Variants in MAGI3 observed in about 807,000 individuals in gnomAD.
MAGI3 encodes membrane associated guanylate kinase, WW and PDZ domain containing 3, also known as membrane-associated guanylate kinase, WW and PDZ domain-containing protein 3.
MAGI3 carries 43 observed loss-of-function variants against 121.8 expected under a neutral mutation model. The observed-to-expected ratio is 0.35, with a 90% CI of 0.28 to 0.46. MAGI3 has a LOEUF of 0.46. MAGI3 is among the 20% of genes least tolerant of loss of function. MAGI3 has a pLI of 1.00. For missense variants in MAGI3, 1,547 were observed against 1,797.3 expected (o/e 0.86, Z 2.52); for synonymous variants, 553 against 639.3 (o/e 0.86, Z 2.04).
intron 1 of MAGI3, among the ~76,000 whole-genome samples, chr1:113,489,647 T>C (rs1557784735): frequency 1.3e-5 from 2 of 151,826 alleles, no homozygotes; most frequent in Non-Finnish European, 1.5e-5. Context: ...AAAATCAGGA[T>C]AAAACAATGC....
chr1:113,458,857 T>G (rs1453321614), intron 1 of MAGI3, among the ~76,000 whole-genome samples: 2 of 152,200 alleles, frequency 1.3e-5, no homozygotes, highest in Admixed American at 1.3e-4. Flanking sequence ...CTGTTCATTT[T>G]CTAAGTTATT....
At chr1:113,593,949 CTTTGT>C (rs1325201754) in intron 5 of MAGI3, among the ~76,000 whole-genome samples, 1 of 152,114 alleles carries the variant, frequency 6.6e-6, no homozygotes, top group Non-Finnish European at 1.5e-5. Context: ...CTTTAAAACT[CTTTGT>C]TTTATTTTAT....
At chr1:113,399,945 A>G (rs1651314447) in intron 1 of MAGI3, among the ~76,000 whole-genome samples, 1 of 152,172 alleles carries the variant, frequency 6.6e-6, no homozygotes, top group Non-Finnish European at 1.5e-5. Context: ...TCATTATTGT[A>G]GTATTTCTGA....
At chr1:113,671,951 C>T in intron 17 of MAGI3, 115 bp downstream of exon 17, 2 of 914,958 alleles carry the variant, frequency 2.2e-6, no homozygotes, top group Non-Finnish European at 3.4e-6. Context: ...CAGATGCCAG[C>T]TGTTGAGGTC....
chr1:113,462,533 A>G (rs558224649), intron 1 of MAGI3, among the ~76,000 whole-genome samples: 8 of 152,230 alleles, frequency 5.3e-5, no homozygotes, highest in South Asian at 2.1e-4. Flanking sequence ...GAAGAAAACA[A>G]CAGACACTGG....
chr1:113,649,274 A>T lies in MAGI3; in HGVS notation c.2193A>T (p.Lys731Asn). ...AAGATTTGGATGTTTTTCTTCGAAA[A>T]CAAGAGTCAGGGTTTGGCTTCAGGG... Reference protein sequence around the residue: ...NTKDLDVFLRKQESGFGFRVL... With the variant: ...NTKDLDVFLRNQESGFGFRVL... Residue 731 changes from lysine (K) to asparagine (N), a missense_variant, in exon 13 of 21, where the codon AAA (lysine) becomes AAT (asparagine). By Grantham distance (94) the Lys-to-Asn change is moderately conservative. Transcript: ENST00000307546. 6.2e-7 allele frequency: 1 copy of T among 1,613,590 alleles called. No homozygotes were observed. Among genetic ancestry groups the T allele is most frequent in the Non-Finnish European group, 8.5e-7 (1 of 1,179,780 alleles).
chr1:113,658,673 C>T lies in MAGI3; in HGVS notation c.2630-407C>T, dbSNP rs535721567. On this transcript the variant is annotated intron_variant, in intron 15 of 20. Coordinates refer to ENST00000307546, the MANE Select transcript of MAGI3 (RefSeq NM_001142782.2). This position sits in a 1 kb window ranked among gnomAD's most constrained non-coding sequence, Gnocchi z 4.0. Reference sequence around the variant, plus strand: ...TTAACAGAAGCAAAGATAATCTTATCGTAGCAGTTTTTAAAATAGCTAAAA... The same window carrying T: ...TTAACAGAAGCAAAGATAATCTTATTGTAGCAGTTTTTAAAATAGCTAAAA... 2.0e-5 allele frequency among the ~76,000 whole-genome samples: 3 copies of T among 152,266 alleles called. No homozygotes were observed. Among genetic ancestry groups the T allele is most frequent in the South Asian group, 2.1e-4 (1 of 4,828 alleles).
chr1:113,643,740 A>G lies in MAGI3; in HGVS notation c.1967-3A>G. On this transcript the variant is annotated splice_region_variant and splice_polypyrimidine_tract_variant and intron_variant, in intron 10 of 20. Coordinates refer to ENST00000307546, the MANE Select transcript of MAGI3 (RefSeq NM_001142782.2). ...TTAAACTTTGGTTCATTTTTTTTTT[A>G]AGGTCCTCCTTCACCAACCAAAACT... 6.2e-7 allele frequency: 1 copy of G among 1,612,042 alleles called. No individual in the cohort carries two copies. Among genetic ancestry groups the G allele is most frequent in the Middle Eastern group, 1.7e-4 (1 of 6,052 alleles).
intron 9 of MAGI3, among the ~76,000 whole-genome samples, chr1:113,623,443 T>TACAC (rs1187612165): frequency 1.6e-4 from 10 of 62,984 alleles, no homozygotes; most frequent in South Asian, 6.7e-4. Flanking sequence ...CACATATATA[T>TACAC]ACACACACAT....
In MAGI3 at chr1:113,671,813, G is replaced by A; in HGVS notation, c.2895G>A (p.Gln965=). 6.2e-7 allele frequency: 1 copy of A among 1,614,202 alleles called. No homozygotes were observed. Among genetic ancestry groups the A allele is most frequent in the Non-Finnish European group, 8.5e-7 (1 of 1,180,032 alleles). Residue 965 remains glutamine, a synonymous_variant, in exon 17 of 21, where the codon CAG becomes CAA. Transcript: ENST00000307546. ...AGCACAGGCCCATGGGACAGTCACA[G>A]GCCAACCACATACCTGGGGACAGGT... ...ALQHRPMGQS[Q]ANHIPGDRSA...
At chr1:113,454,115 C>G (rs1014433151) in intron 1 of MAGI3, among the ~76,000 whole-genome samples, 1 of 152,246 alleles carries the variant, frequency 6.6e-6, no homozygotes, top group Non-Finnish European at 1.5e-5. Flanking sequence ...TGAGTAAGAA[C>G]AGGAATTATG....
chr1:113,447,176 A>C (rs1445791580), intron 1 of MAGI3, among the ~76,000 whole-genome samples: 1 of 152,206 alleles, frequency 6.6e-6, no homozygotes, highest in Non-Finnish European at 1.5e-5. Flanking sequence ...TACAACTATG[A>C]CAGTCTATTT....
At chr1:113,412,286 G>A (rs1652042781) in intron 1 of MAGI3, among the ~76,000 whole-genome samples, 1 of 152,028 alleles carries the variant, frequency 6.6e-6, no homozygotes, top group African/African-American at 2.4e-5. Flanking sequence ...TGGACATTTG[G>A]GTTGGTTCCC....
intron 1 of MAGI3, among the ~76,000 whole-genome samples, chr1:113,512,396 A>G (rs1443685985): frequency 6.6e-6 from 1 of 152,212 alleles, no homozygotes; most frequent in Admixed American, 6.5e-5. Flanking sequence ...GGAGTGTTCT[A>G]TTTGAAAATT....
At chr1:113,621,156 C>CA (rs1650795581) in intron 8 of MAGI3, among the ~76,000 whole-genome samples, 1 of 152,060 alleles carries the variant, frequency 6.6e-6, no homozygotes, top group South Asian at 2.1e-4. Flanking sequence ...AGCAAGAAAG[C>CA]ATACCAAGTA....
rs147249906 is a variant in MAGI3 at position 113,408,781 on chromosome 1, A to G, written c.316+17432A>G. On this transcript the variant is annotated intron_variant, in intron 1 of 20. Coordinates refer to ENST00000307546, the MANE Select transcript of MAGI3 (RefSeq NM_001142782.2). ...AACTCATTTCCCATTAGTACCTAAT[A>G]TGAATACTCAGTTACAGCCAAAGTA... Among the ~76,000 whole-genome samples the G allele has an allele frequency of 1.8e-3, 278 of 152,240 alleles. 1 individual carries two copies. Among genetic ancestry groups the G allele is most frequent in the Middle Eastern group, 6.8e-3 (2 of 294 alleles).
chr1:113,549,451 A>G lies in MAGI3; in HGVS notation c.317-64A>G, dbSNP rs181894423. On this transcript the variant is annotated intron_variant, in intron 1 of 20. Transcript: ENST00000307546. ...AGAGTATTCAGTTACTAGCTTCTATATTTAAGTGAACGTCTAAAAATTATG... is the reference window on the plus strand; with the variant it reads ...AGAGTATTCAGTTACTAGCTTCTATGTTTAAGTGAACGTCTAAAAATTATG... 1.2e-4 allele frequency: 104 copies of G among 857,566 alleles called. No individual in the cohort carries two copies. In the East Asian group the frequency reaches 2.5e-3, roughly 21 times the overall value. The allele number at this position is 857,566 out of a possible 1,614,324, so 53.1% of individuals were successfully genotyped here. A position where few individuals can be genotyped will look rare whatever the true frequency, so the allele number is the denominator to read the frequency against.
chr1:113,647,499 T>G (rs923676171), intron 12 of MAGI3, among the ~76,000 whole-genome samples: 4 of 152,138 alleles, frequency 2.6e-5, no homozygotes, highest in Admixed American at 6.5e-5. Context: ...AGCTGAGAGA[T>G]AAAAAGAGAG....
chr1:113,489,200 A>G (rs1187233841), intron 1 of MAGI3, among the ~76,000 whole-genome samples: 1 of 142,372 alleles, frequency 7.0e-6, no homozygotes, highest in Non-Finnish European at 1.5e-5. Context: ...GTGGATTTCT[A>G]ACCTCGAGGA....
Sources: gnomAD v4.1 joint callset for allele counts (sites outside exome capture counted in the v4.1 genomes callset) on GRCh38, gnomAD v4.1.1 for gene constraint, Gnocchi (gnomAD v3.1) non-coding constraint, MANE v1.5 for transcripts, NCBI Gene and HGNC (gene_info 2026-07-23, HGNC 2026-07-21) for gene names.